NAT9: variants seen among roughly 807,000 people sequenced by gnomAD.
The protein encoded by NAT9 is alpha/beta-tubulin-N-acetyltransferase 9.
NAT9 carries 18 observed loss-of-function variants against 24.0 expected under a neutral mutation model. The observed-to-expected ratio is 0.75, with a 90% CI of 0.52 to 1.11. The LOEUF is 1.11. NAT9 is among the 50% of genes most tolerant of loss of function. NAT9 has a pLI of 0.00. For missense variants in NAT9, 254 were observed against 258.6 expected, an observed-to-expected ratio of 0.98 and a Z score of 0.12; for synonymous variants, 104 against 102.3, an observed-to-expected ratio of 1.02 and a Z score of -0.10.
intron 3 of NAT9, chr17:74,773,279 C>T (rs944254174): frequency 7.2e-5 from 43 of 598,004 alleles, no homozygotes; most frequent in Non-Finnish European, 1.1e-4. Flanking sequence ...AGGGCAGTCA[C>T]CACACTAGGC....
intron 3 of NAT9, 110 bp downstream of exon 3, chr17:74,773,466 T>C (rs1276579854): frequency 1.0e-6 from 1 of 979,350 alleles, no homozygotes; most frequent in Non-Finnish European, 1.6e-6. Context: ...TTCCAGGCTT[T>C]TCACAAAGCT....
chr17:74,772,096 G>GC (rs1567836209), intron 5 of NAT9, 42 bp from the exon 6 acceptor site: 1 of 1,613,946 alleles, frequency 6.2e-7, no homozygotes, highest in South Asian at 1.1e-5. Context: ...GGAGGCGCCT[G>GC]CCCCCACCCT....
At chr17:74,775,743 C>G (rs1019084072) in intron 1 of NAT9, 36 bp from the exon 2 acceptor site, 1 of 1,579,686 alleles carries the variant, frequency 6.3e-7, no homozygotes, top group African/African-American at 1.3e-5. Context: ...ACTTCAGGAC[C>G]CTGAATTTCC....
chr17:74,772,370 C>T, intron 4 of NAT9, 93 bp from the exon 5 acceptor site: 1 of 1,521,332 alleles, frequency 6.6e-7, no homozygotes. Flanking sequence ...CTCAACAACT[C>T]TGAAGTTGCT....
chr17:74,773,575 C>T lies in NAT9; in HGVS notation c.190+1G>A, dbSNP rs1003068853. ...AGGGGAAGTGGGGGGGCACTCCTCACTGTCTGCATCTTCCTGCCAGCTGCA... is the reference window on the plus strand; with the variant it reads ...AGGGGAAGTGGGGGGGCACTCCTCATTGTCTGCATCTTCCTGCCAGCTGCA... On this transcript the variant is annotated splice_donor_variant, in intron 3 of 6. Transcript: ENST00000357814. LOFTEE classifies it high-confidence loss of function. 5.0e-6 allele frequency: 8 copies of T among 1,613,542 alleles called. No homozygotes were observed. Among genetic ancestry groups the T allele is most frequent in the Non-Finnish European group, 6.8e-6 (8 of 1,179,742 alleles).
In NAT9 at chr17:74,772,989, C is replaced by T. The variant is rs79575243; in HGVS notation, c.241G>A (p.Ala81Thr). The change falls in exon 4 of 7, where the codon GCC becomes ACC. Residue 81 changes from alanine (A) to threonine (T), a missense_variant. Transcript: ENST00000357814. ...CCCACCATGCAGCTCTCTTCGGTGG[C>T]GCCTGGCTGGGCCTGCCACTTCTCG... Reference protein sequence around the residue: ...DAEKWQAQPGATEESCMVGDV... With the variant: ...DAEKWQAQPGTTEESCMVGDV... 6.8e-6 allele frequency: 11 copies of T among 1,613,908 alleles called. 1 individual carries two copies. Among genetic ancestry groups the T allele is most frequent in the African/African-American group, 6.7e-5 (5 of 75,008 alleles).
intron 4 of NAT9, 57 bp downstream of exon 4, chr17:74,772,839 C>CA (rs754838408): frequency 1.5e-5 from 24 of 1,607,814 alleles, no homozygotes; most frequent in Non-Finnish European, 2.0e-5. Context: ...TCGGCAGGCT[C>CA]AGTCAGCAGA....
Position 74,771,797 on chromosome 17 carries a change from T to G in NAT9, c.551A>C (p.His184Pro). The G allele has an allele frequency of 1.2e-6, 2 of 1,614,196 alleles. No individual in the cohort carries two copies. The highest frequency in any genetic ancestry group is 1.7e-6 in the Non-Finnish European group (2 of 1,180,040). Reference protein sequence around the residue: ...TLRLTVSESEHQWLLEQTSHV... With the variant: ...TLRLTVSESEPQWLLEQTSHV... ...GCTGGTCTGCTCCAGAAGCCACTGA[T>G]GCTCGGACTCACTCACTGTCAGTCT... Residue 184 changes from histidine to proline, a missense_variant, in exon 7 of 7, where the codon CAT becomes CCT. Physicochemically the swap from His to Pro is moderately conservative, Grantham distance 77. Coordinates refer to ENST00000357814, the MANE Select transcript of NAT9 (RefSeq NM_015654.5).
chr17:74,775,716 A>T lies in NAT9; in HGVS notation c.-9-9T>A. 3.7e-6 allele frequency: 6 copies of T among 1,612,994 alleles called. No homozygotes were observed. Among genetic ancestry groups the T allele is most frequent in the Non-Finnish European group, 5.1e-6 (6 of 1,179,114 alleles). On this transcript the variant is annotated splice_polypyrimidine_tract_variant and intron_variant, in intron 1 of 6. Coordinates refer to ENST00000357814, the MANE Select transcript of NAT9 (RefSeq NM_015654.5). ...AACCTCATGGTAGCAGCCTGCATGC[A>T]GATGGGGAGAGCAAAGACTTCAGGA...
At chr17:74,772,119 T>G (rs757799083) in intron 5 of NAT9, 65 bp from the exon 6 acceptor site, 1 of 1,613,630 alleles carries the variant, frequency 6.2e-7, no homozygotes. Context: ...TGTCCCAAGC[T>G]GCAGAGGAGG....
intron 4 of NAT9, 65 bp downstream of exon 4, chr17:74,772,831 G>A (rs2305214): frequency 0.42 from 678,640 of 1,600,632 alleles, 149,702 homozygotes; most frequent in Non-Finnish European, 0.46. Flanking sequence ...TTGCAGCCTC[G>A]GCAGGCTCAG....
At chr17:74,772,453 G>C (rs1471195451) in intron 4 of NAT9, 176 bp from the exon 5 acceptor site, 4 of 1,431,620 alleles carry the variant, frequency 2.8e-6, no homozygotes, top group Non-Finnish European at 3.7e-6. Flanking sequence ...TTGCAACCCA[G>C]CAACCTGACT....
At chr17:74,772,376 T>G (rs2035344887) in intron 4 of NAT9, 99 bp from the exon 5 acceptor site, 1 of 1,511,170 alleles carries the variant, frequency 6.6e-7, no homozygotes, top group Non-Finnish European at 8.9e-7. Flanking sequence ...AACTCTGAAG[T>G]TGCTACTATC....
At chr17:74,774,695 G>A (rs532870435) in intron 2 of NAT9, among the ~76,000 whole-genome samples, 8 of 151,198 alleles carry the variant, frequency 5.3e-5, no homozygotes, top group African/African-American at 1.2e-4. Flanking sequence ...GACTACAGGC[G>A]CCCGCCACCA....
intron 2 of NAT9, among the ~76,000 whole-genome samples, chr17:74,774,549 C>CTTT (rs1468050849): frequency 9.3e-6 from 1 of 107,776 alleles, no homozygotes. Flanking sequence ...TCAGGCTGGT[C>CTTT]TCTTTTTTTT....
At chr17:74,775,511 T>A (rs1457047539) in intron 2 of NAT9, 111 bp downstream of exon 2, 3 of 945,514 alleles carry the variant, frequency 3.2e-6, no homozygotes, top group Non-Finnish European at 4.6e-6. Context: ...TCATATATAA[T>A]TATTTCTCAC....
chr17:74,774,669 C>T (rs2035742579), intron 2 of NAT9, among the ~76,000 whole-genome samples: 1 of 151,138 alleles, frequency 6.6e-6, no homozygotes, highest in Admixed American at 6.6e-5. Flanking sequence ...CCTGCCTCAG[C>T]CTCCCGAGTA....
At position 74,772,322 on chromosome 17, in the gene NAT9, C is replaced by T. The variant is rs954113423; in HGVS notation, c.335-45G>A. ...CGGCGCTGACGCCGTGTGCCAGGCT[C>T]CAGTGCGGGCACTTGGCAGACACCA... On this transcript the variant is annotated intron_variant, in intron 4 of 6. Transcript: ENST00000357814. 6 of 1,607,702 alleles carry T rather than the reference C, an allele frequency of 3.7e-6. No individual in the cohort carries two copies. In the South Asian group the frequency reaches 4.4e-5, roughly 12 times the overall value.
rs2035961501 is a variant in NAT9, at chr17:74,775,722, G to A, written c.-9-15C>T. ...ATGGTAGCAGCCTGCATGCAGATGGGGAGAGCAAAGACTTCAGGACCCTGA... is the reference window on the plus strand; with the variant it reads ...ATGGTAGCAGCCTGCATGCAGATGGAGAGAGCAAAGACTTCAGGACCCTGA... On this transcript the variant is annotated splice_polypyrimidine_tract_variant and intron_variant, in intron 1 of 6. Coordinates refer to ENST00000357814, the MANE Select transcript of NAT9 (RefSeq NM_015654.5). The A allele has an allele frequency of 3.1e-6, 5 of 1,611,418 alleles. No homozygotes were observed. Among genetic ancestry groups the A allele is most frequent in the African/African-American group, 1.3e-5 (1 of 74,878 alleles).
Sources: gnomAD v4.1 joint callset for allele counts (sites outside exome capture counted in the v4.1 genomes callset) on GRCh38, gnomAD v4.1.1 for gene constraint, MANE v1.5 for transcripts, NCBI Gene and HGNC (gene_info 2026-07-23, HGNC 2026-07-21) for gene names.